The following NR5A1 variants were observed in gnomAD, a reference collection of about 807,000 sequenced individuals.
The protein encoded by NR5A1 is nuclear receptor subfamily 5 group A member 1, also known as steroidogenic factor 1.
NR5A1 carries 6 observed loss-of-function variants against 42.7 expected under a neutral mutation model. That is an observed-to-expected ratio of 0.14 (90% CI 0.08 to 0.28). NR5A1 has a LOEUF of 0.28. Ranked by LOEUF, NR5A1 falls within the 10% of genes least tolerant of loss-of-function variation. NR5A1 has a pLI of 1.00. For synonymous variants in NR5A1, 274 were observed against 277.5 expected, an observed-to-expected ratio of 0.99 and a Z score of 0.12; for missense variants, 442 against 626.4, an observed-to-expected ratio of 0.71 and a Z score of 3.14.
At chr9:124,493,226 C>T (rs1468823580) in intron 4 of NR5A1, 77 bp from the exon 5 acceptor site, 3 of 1,540,058 alleles carry the variant, frequency 1.9e-6, no homozygotes, top group Non-Finnish European at 2.6e-6. Flanking sequence ...TCTCCTCCCA[C>T]TGAGACCCAA....
intron 5 of NR5A1, 137 bp downstream of exon 5, chr9:124,492,893 G>T (rs1045518666): frequency 2.7e-6 from 3 of 1,094,100 alleles, no homozygotes; most frequent in Non-Finnish European, 3.8e-6. Context: ...TTCCATGAAC[G>T]TGGGGAAAGG....
At chr9:124,506,252 T>C (rs760402183) in intron 1 of NR5A1, among the ~76,000 whole-genome samples, 36 of 152,228 alleles carry the variant, frequency 2.4e-4, no homozygotes, top group Non-Finnish European at 4.3e-4. Context: ...AGCCTCAGTT[T>C]TCTCCGAGCA....
intron 6 of NR5A1, among the ~76,000 whole-genome samples, chr9:124,488,383 G>A (rs1832254378): frequency 6.6e-6 from 1 of 152,020 alleles, no homozygotes; most frequent in Non-Finnish European, 1.5e-5. Context: ...ATCTCCTCCT[G>A]TTCCTCCTCT....
Position 124,482,719 on chromosome 9 carries a change from A to T in NR5A1, c.*39T>A. The T allele has an allele frequency of 2.0e-4, 19 of 95,310 alleles. No homozygotes were observed. Among genetic ancestry groups the T allele is most frequent in the South Asian group, 2.7e-4 (5 of 18,288 alleles). The allele number at this position is 95,310 out of a possible 1,614,324, so 5.9% of individuals were successfully genotyped here. A position where few individuals can be genotyped will look rare whatever the true frequency, so the allele number is the denominator to read the frequency against. On this transcript the variant is annotated 3_prime_UTR_variant, in exon 7 of 7. Coordinates refer to ENST00000373588, the MANE Select transcript of NR5A1 (RefSeq NM_004959.5). ...GCGGCCCCGCCCAGGCCCCGCCCCC[A>T]GTCCCGCCCCCAGTCCCGGCCCCGC... is the stretch of plus-strand genomic sequence containing the variant.
intron 6 of NR5A1, 66 bp downstream of exon 6, chr9:124,491,015 T>TCGCG: frequency 1.6e-6 from 1 of 634,816 alleles, no homozygotes; most frequent in Non-Finnish European, 2.8e-6. Flanking sequence ...CTCTCCAGCC[T>TCGCG]CACCCACCCT....
intron 6 of NR5A1, among the ~76,000 whole-genome samples, chr9:124,488,206 C>G (rs1309236025): frequency 1.3e-5 from 2 of 152,118 alleles, no homozygotes; most frequent in African/African-American, 2.4e-5. Context: ...CCCCACCCCC[C>G]GGAAGCCTTC....
chr9:124,499,881 G>A (rs1832439555), intron 4 of NR5A1, among the ~76,000 whole-genome samples: 1 of 152,190 alleles, frequency 6.6e-6, no homozygotes, highest in Admixed American at 6.5e-5. Flanking sequence ...AGAGGCTCAA[G>A]GAGGAGAGAA....
At chr9:124,491,348 C>T (rs1002192222) in intron 5 of NR5A1, 120 bp from the exon 6 acceptor site, 57 of 769,900 alleles carry the variant, frequency 7.4e-5, no homozygotes, top group East Asian at 4.4e-4. Context: ...GATGGGCTGG[C>T]GTCAGGAGGG....
chr9:124,491,036 C>CCCCCCCCGG, intron 6 of NR5A1, 45 bp downstream of exon 6: 32 of 1,401,550 alleles, frequency 2.3e-5, no homozygotes, highest in East Asian at 3.0e-5. Flanking sequence ...CCCACCCACC[C>CCCCCCCCGG]GCCTCTGGCT....
At chr9:124,504,136 C>G (rs891198875) in intron 1 of NR5A1, among the ~76,000 whole-genome samples, 4 of 151,020 alleles carry the variant, frequency 2.6e-5, no homozygotes, top group African/African-American at 9.8e-5. Context: ...AAGAGAAAAC[C>G]CAAGAGAGAC....
chr9:124,488,349 C>T (rs1832253961), intron 6 of NR5A1, among the ~76,000 whole-genome samples: 1 of 152,106 alleles, frequency 6.6e-6, no homozygotes, highest in African/African-American at 2.4e-5. Context: ...TCTCTCACTG[C>T]TTGCCATCAG....
chr9:124,504,024 C>CAGACAGACAG (rs368063610), intron 1 of NR5A1, among the ~76,000 whole-genome samples: 1 of 105,910 alleles, frequency 9.4e-6, no homozygotes, highest in African/African-American at 5.9e-5. Flanking sequence ...GACAGGGAGA[C>CAGACAGACAG]AGAGAGAGAG....
At chr9:124,504,395 C>T (rs1832519130) in intron 1 of NR5A1, among the ~76,000 whole-genome samples, 1 of 151,998 alleles carries the variant, frequency 6.6e-6, no homozygotes, top group South Asian at 2.1e-4. Context: ...AAAACGACGG[C>T]GCCGGGACCG....
At chr9:124,485,806 A>C (rs184785180) in intron 6 of NR5A1, among the ~76,000 whole-genome samples, 23 of 152,318 alleles carry the variant, frequency 1.5e-4, no homozygotes, top group African/African-American at 5.5e-4. Flanking sequence ...CATGTCACCT[A>C]GCTGAGCTCC....
rs1832475291 is a variant in NR5A1, at chr9:124,501,743, T to A, written c.245-1028A>T. On this transcript the variant is annotated intron_variant, in intron 3 of 6. Coordinates refer to ENST00000373588, the MANE Select transcript of NR5A1 (RefSeq NM_004959.5). This position sits in a 1 kb window ranked among gnomAD's most constrained non-coding sequence, Gnocchi z 4.1. The stretch of plus-strand genomic sequence containing the variant: ...TGGGCTCTGGGGACAGGACAGGATG[T>A]CCCCTCTCCCATCCAGGAGTCCTTT... 6.6e-6 allele frequency among the ~76,000 whole-genome samples: 1 copy of A among 152,146 alleles called. No individual in the cohort carries two copies. The highest frequency in any genetic ancestry group is 1.5e-5 in the Non-Finnish European group (1 of 68,010).
intron 1 of NR5A1, among the ~76,000 whole-genome samples, chr9:124,506,360 G>A (rs1832559889): frequency 6.6e-6 from 1 of 152,174 alleles, no homozygotes; most frequent in African/African-American, 2.4e-5. Context: ...CCTGTTAATC[G>A]TACCCCCCGC....
rs953039067 is a variant in NR5A1, at chr9:124,500,192, G to A, written c.768C>T (p.Pro256=). 2.2e-5 allele frequency: 36 copies of A among 1,610,236 alleles called. No individual in the cohort carries two copies. Among genetic ancestry groups the A allele is most frequent in the African/African-American group, 8.0e-5 (6 of 74,962 alleles). ...GGAGGCCGAAGGCCGCCGGCTGGTC[G>A]GGGCGGCTTTTGGTGGGCTCCTGCA... ...GCLQEPTKSR[P]DQPAAFGLLC... is the part of the protein sequence containing the mutation. Residue 256 remains proline, a synonymous_variant, in exon 4 of 7, where the codon CCC becomes CCT. Coordinates refer to ENST00000373588, the MANE Select transcript of NR5A1 (RefSeq NM_004959.5). The surrounding 1 kb of genome is among the most constrained non-coding windows in gnomAD (Gnocchi z 6.9).
chr9:124,505,970 T>A (rs1363469086), intron 1 of NR5A1, among the ~76,000 whole-genome samples: 1 of 151,970 alleles, frequency 6.6e-6, no homozygotes, highest in Non-Finnish European at 1.5e-5. Context: ...CAGAGAGAGT[T>A]TGGGGACCAT....
chr9:124,491,016 C>CTG, intron 6 of NR5A1, 65 bp downstream of exon 6: 24 of 564,588 alleles, frequency 4.3e-5, no homozygotes, highest in Non-Finnish European at 7.3e-5. Flanking sequence ...TCTCCAGCCT[C>CTG]ACCCACCCTC....
Sources: gnomAD v4.1 joint callset for allele counts (sites outside exome capture counted in the v4.1 genomes callset) on GRCh38, gnomAD v4.1.1 for gene constraint, Gnocchi (gnomAD v3.1) non-coding constraint, MANE v1.5 for transcripts, NCBI Gene and HGNC (gene_info 2026-07-23, HGNC 2026-07-21) for gene names.